The following STK31 variants were observed in gnomAD, a reference collection of about 807,000 sequenced individuals.
STK31 encodes serine/threonine-protein kinase 31.
In STK31, 89 loss-of-function variants were observed where a neutral mutation model predicts 129.7. That is an observed-to-expected ratio of 0.69 (90% CI 0.58 to 0.82). STK31 has a LOEUF of 0.82. STK31 is among the 40% of genes least tolerant of loss of function. The pLI is 0.00. For synonymous variants in STK31, 448 were observed against 395.3 expected (o/e 1.13, Z -1.58); for missense variants, 1,187 against 1,176.4 (o/e 1.01, Z -0.13).
chr7:23,756,719 G>A lies in STK31; in HGVS notation c.1293+2245G>A, dbSNP rs564992390. On this transcript the variant is annotated intron_variant, in intron 10 of 23. Transcript: ENST00000355870. Reference sequence around the variant, plus strand: ...ACATGAAGGCATGTTGAATTTTATCGAAGCCCTTTCTGCATCTATTGAGAT... The same window carrying A: ...ACATGAAGGCATGTTGAATTTTATCAAAGCCCTTTCTGCATCTATTGAGAT... Among the ~76,000 whole-genome samples, 42 of 152,162 alleles carry A rather than the reference G, an allele frequency of 2.8e-4. 2 individuals are homozygous for A. The highest frequency in any genetic ancestry group is 9.4e-4 in the African/African-American group (39 of 41,512).
intron 19 of STK31, 68 bp from the exon 20 acceptor site, chr7:23,786,770 T>A: frequency 6.4e-7 from 1 of 1,558,008 alleles, no homozygotes; most frequent in Non-Finnish European, 8.8e-7. Context: ...TCCCATAGAA[T>A]CAATGTATGC....
Position 23,769,069 on chromosome 7 carries a change from A to G in STK31, c.1491A>G (p.Lys497=), listed in dbSNP as rs55673940. 4.3e-6 allele frequency: 7 copies of G among 1,613,386 alleles called. No homozygotes were observed. Among genetic ancestry groups the G allele is most frequent in the Non-Finnish European group, 5.1e-6 (6 of 1,179,472 alleles). ...EGANSDEILK[K]FYDWKCDKRE... ...CAAATTCTGATGAAATACTTAAAAA[A>G]TTTTATGACTGGAAGTGTGATAAAA... Residue 497 remains lysine, a synonymous_variant, in exon 12 of 24, where the codon AAA becomes AAG. Coordinates refer to ENST00000355870, the MANE Select transcript of STK31 (RefSeq NM_031414.5).
At chr7:23,800,234 T>C (rs1268030176) in intron 22 of STK31, among the ~76,000 whole-genome samples, 1 of 152,176 alleles carries the variant, frequency 6.6e-6, no homozygotes, top group Non-Finnish European at 1.5e-5. Context: ...CATTACTGGG[T>C]ATATACCCAA....
chr7:23,718,919 A>G (rs1345855198), intron 4 of STK31, among the ~76,000 whole-genome samples: 2 of 152,224 alleles, frequency 1.3e-5, no homozygotes, highest in East Asian at 1.9e-4. Flanking sequence ...GATACTGCCA[A>G]ACAGCTTTGC....
At chr7:23,808,466 A>G (rs1183978825) in intron 22 of STK31, among the ~76,000 whole-genome samples, 3 of 151,968 alleles carry the variant, frequency 2.0e-5, no homozygotes, top group African/African-American at 7.3e-5. Context: ...TTTACTCCCC[A>G]GTGGGTCCTG....
chr7:23,772,176 TA>T lies in STK31; in HGVS notation c.1865del (p.Lys622ArgfsTer15). Reference sequence around the variant, plus strand: ...AAAAGCAGCTTATTGAATATTTAAATAAGAGTCCCAGTGTGGATCACTTGCT... The same window carrying T: ...AAAAGCAGCTTATTGAATATTTAAATAGAGTCCCAGTGTGGATCACTTGCT... ...FKKQLIEYLNKSPSVDHLLSI... is the reference protein window; with the variant it reads ...FKKQLIEYLNXSPSVDHLLSI... On this transcript the variant is annotated frameshift_variant, in exon 15 of 24. Transcript: ENST00000355870. LOFTEE classifies it high-confidence loss of function. The T allele has an allele frequency of 1.9e-6, 3 of 1,585,420 alleles. No homozygotes were observed. The highest frequency in any genetic ancestry group is 2.6e-6 in the Non-Finnish European group (3 of 1,166,244).
At chr7:23,747,748 G>C (rs1788449042) in intron 8 of STK31, among the ~76,000 whole-genome samples, 1 of 152,170 alleles carries the variant, frequency 6.6e-6, no homozygotes, top group Non-Finnish European at 1.5e-5. Context: ...TATCAAATTT[G>C]TGGGACTTGA....
intron 17 of STK31, 90 bp from the exon 18 acceptor site, chr7:23,785,388 T>C: frequency 1.3e-6 from 2 of 1,525,240 alleles, no homozygotes; most frequent in Non-Finnish European, 1.8e-6. Flanking sequence ...GGTGTCCAAG[T>C]CATTTAATAT....
In STK31 at chr7:23,771,129, G is replaced by A; in HGVS notation, c.1833+5G>A. On this transcript the variant is annotated splice_donor_5th_base_variant and intron_variant, in intron 14 of 23. Transcript: ENST00000355870. Reference sequence around the variant, plus strand: ...AAGTACAAGGACAGTATTGAGGTTTGATTGTGCTTTCTCTTATTGATCTTA... The same window carrying A: ...AAGTACAAGGACAGTATTGAGGTTTAATTGTGCTTTCTCTTATTGATCTTA... 1 of 1,556,896 alleles carries A rather than the reference G, an allele frequency of 6.4e-7. No individual in the cohort carries two copies. The highest frequency in any genetic ancestry group is 8.6e-7 in the Non-Finnish European group (1 of 1,158,376).
chr7:23,711,701 A>G (rs1785975708), intron 1 of STK31, among the ~76,000 whole-genome samples: 2 of 152,178 alleles, frequency 1.3e-5, no homozygotes, highest in African/African-American at 4.8e-5. Context: ...CTACCAGTTT[A>G]AAGCATTTGT....
intron 3 of STK31, among the ~76,000 whole-genome samples, chr7:23,715,656 G>T (rs371356696): frequency 2.0e-5 from 3 of 152,158 alleles, no homozygotes; most frequent in East Asian, 3.9e-4. Flanking sequence ...GGAATATTTT[G>T]ATTCCAGGGG....
At chr7:23,741,016 C>T (rs1343791628) in intron 8 of STK31, among the ~76,000 whole-genome samples, 1 of 152,110 alleles carries the variant, frequency 6.6e-6, no homozygotes, top group Non-Finnish European at 1.5e-5. Flanking sequence ...GTTATTTGTT[C>T]TCCTTAAGTA....
intron 15 of STK31, among the ~76,000 whole-genome samples, chr7:23,777,651 T>A (rs1790645693): frequency 6.6e-6 from 1 of 152,150 alleles, no homozygotes; most frequent in Non-Finnish European, 1.5e-5. Flanking sequence ...ATACCAGGAT[T>A]GCAATCCCTG....
intron 22 of STK31, among the ~76,000 whole-genome samples, chr7:23,795,541 G>A (rs1317563681): frequency 6.6e-6 from 1 of 152,204 alleles, no homozygotes; most frequent in African/African-American, 2.4e-5. Flanking sequence ...TAGTAGAGCT[G>A]TGAGAAGAGG....
intron 21 of STK31, among the ~76,000 whole-genome samples, chr7:23,789,368 G>A (rs1384889123): frequency 2.0e-5 from 3 of 152,042 alleles, no homozygotes; most frequent in Non-Finnish European, 4.4e-5. Flanking sequence ...TTCCAAAGTG[G>A]CTACATCATT....
chr7:23,741,778 A>T (rs1275464737), intron 8 of STK31, among the ~76,000 whole-genome samples: 1 of 152,082 alleles, frequency 6.6e-6, no homozygotes, highest in Non-Finnish European at 1.5e-5. Flanking sequence ...AGTGTGTTCT[A>T]CTCAAGTGTA....
At chr7:23,778,726 A>G (rs1293205696) in intron 15 of STK31, among the ~76,000 whole-genome samples, 1 of 151,940 alleles carries the variant, frequency 6.6e-6, no homozygotes, top group Non-Finnish European at 1.5e-5. Context: ...CTAGTTAGCA[A>G]TTCGTCTAAC....
intron 23 of STK31, among the ~76,000 whole-genome samples, chr7:23,817,006 T>G (rs1793506528): frequency 6.6e-6 from 1 of 152,010 alleles, no homozygotes; most frequent in Non-Finnish European, 1.5e-5. Context: ...CCCAACATGG[T>G]GAAACCCTGT....
intron 3 of STK31, among the ~76,000 whole-genome samples, chr7:23,716,355 T>G (rs1490970084): frequency 6.6e-6 from 1 of 152,172 alleles, no homozygotes; most frequent in East Asian, 1.9e-4. Flanking sequence ...TTCTTATTGA[T>G]GATAACCTTG....
Sources: allele counts gnomAD v4.1 joint callset (sites outside exome capture counted in the v4.1 genomes callset), GRCh38; gene constraint gnomAD v4.1.1; transcripts MANE v1.5; gene names NCBI Gene and HGNC (gene_info 2026-07-23, HGNC 2026-07-21).